The following PIR variants were observed in gnomAD, a reference collection of about 807,000 sequenced individuals.
PIR encodes the protein pirin (iron-binding nuclear protein).
Under a neutral mutation model 24.2 loss-of-function variants are expected in PIR, and 22 were observed. That is an observed-to-expected ratio of 0.91 (90% CI 0.65 to 1.30). The LOEUF (loss-of-function observed/expected upper bound fraction) is 1.30. PIR is among the 50% of genes most tolerant of loss of function. The pLI is 0.00. For synonymous variants in PIR, 80 were observed against 79.6 expected, an observed-to-expected ratio of 1.00 and a Z score of -0.03; for missense variants, 220 against 220.3, an observed-to-expected ratio of 1.00 and a Z score of 0.01.
chrX:15,487,379 T>C (rs943259513), intron 2 of PIR, among the ~76,000 whole-genome samples: 8 of 111,594 alleles, frequency 7.2e-5, no homozygotes, highest in Non-Finnish European at 1.1e-4. Flanking sequence ...AATTGAAATA[T>C]TTATAAGTGA....
intron 5 of PIR, among the ~76,000 whole-genome samples, chrX:15,445,820 CTTTTT>C (rs1192838504): frequency 6.2e-5 from 4 of 64,921 alleles, no homozygotes; most frequent in Non-Finnish European, 8.7e-5. Flanking sequence ...CAAGATATTT[CTTTTT>C]TTTTTTTTTT....
chrX:15,440,450 C>T (rs762499208), intron 5 of PIR, among the ~76,000 whole-genome samples: 1 of 110,452 alleles, frequency 9.1e-6, no homozygotes, highest in East Asian at 2.8e-4. Context: ...TGACCACTGT[C>T]ATATGTCTGC....
intron 6 of PIR, among the ~76,000 whole-genome samples, chrX:15,419,789 A>T (rs1296263780): frequency 9.3e-6 from 1 of 107,444 alleles, no homozygotes; most frequent in Non-Finnish European, 1.9e-5. Context: ...CCAGCTACTC[A>T]GGAGGCTGAG....
At chrX:15,471,013 A>C (rs908655526) in intron 3 of PIR, among the ~76,000 whole-genome samples, 4 of 108,139 alleles carry the variant, frequency 3.7e-5, no homozygotes, top group African/African-American at 1.0e-4. Context: ...TGGTGTGGGT[A>C]GGATGTATAG....
At chrX:15,446,806 C>T (rs1926119025) in intron 5 of PIR, among the ~76,000 whole-genome samples, 1 of 111,720 alleles carries the variant, frequency 9.0e-6, no homozygotes, top group Non-Finnish European at 1.9e-5. Flanking sequence ...TCCCCTCATA[C>T]CTCTATAGGG....
At chrX:15,478,237 G>T (rs902341022) in intron 3 of PIR, among the ~76,000 whole-genome samples, 4 of 111,434 alleles carry the variant, frequency 3.6e-5, no homozygotes, top group South Asian at 3.8e-4. Flanking sequence ...CAATTCTAAT[G>T]CAAGACAGAT....
intron 8 of PIR, among the ~76,000 whole-genome samples, chrX:15,395,052 A>C (rs749473893): frequency 8.9e-6 from 1 of 111,999 alleles, no homozygotes; most frequent in African/African-American, 3.2e-5. Context: ...ATTCTTGACC[A>C]CAGTTTAGTG....
chrX:15,415,744 G>A (rs892208143), intron 6 of PIR, among the ~76,000 whole-genome samples: 3 of 111,117 alleles, frequency 2.7e-5, no homozygotes, highest in Non-Finnish European at 5.7e-5. Context: ...AGATAAATAC[G>A]TACAATTTTA....
Position 15,473,518 on chromosome X carries a change from T to G in PIR, c.189+6211A>C, listed in dbSNP as rs369795784. Among the ~76,000 whole-genome samples the G allele has an allele frequency of 1.2e-3, 134 of 112,323 alleles. 2 individuals carry two copies. The highest frequency in any genetic ancestry group is 9.4e-4 in the Non-Finnish European group (50 of 53,238). On this transcript the variant is annotated intron_variant, in intron 3 of 9. Coordinates refer to ENST00000380420, the MANE Select transcript of PIR (RefSeq NM_001018109.3). The stretch of plus-strand genomic sequence containing the variant: ...AGATAATTTCTAGATATATAATTAT[T>G]CCTCTACTATTTTGAATACTTTTTT...
chrX:15,407,394 G>C, intron 7 of PIR, 112 bp downstream of exon 7: 1 of 587,370 alleles, frequency 1.7e-6, no homozygotes, highest in East Asian at 3.3e-5. Flanking sequence ...TAGTGTAGGA[G>C]AGAAGGTGGC....
chrX:15,469,223 C>CA (rs1921754535), intron 3 of PIR, among the ~76,000 whole-genome samples: 1 of 111,213 alleles, frequency 9.0e-6, no homozygotes, highest in Non-Finnish European at 1.9e-5. Context: ...TTCTAACAAC[C>CA]AAAAAAAGGA....
intron 5 of PIR, among the ~76,000 whole-genome samples, chrX:15,434,715 T>G (rs1925691528): frequency 1.9e-5 from 1 of 52,264 alleles, no homozygotes; most frequent in African/African-American, 8.2e-5. Flanking sequence ...GAGAGGTTTG[T>G]TTTTTTTTTT....
chrX:15,437,286 T>A (rs1925779237), intron 5 of PIR, among the ~76,000 whole-genome samples: 1 of 111,891 alleles, frequency 8.9e-6, no homozygotes, highest in Non-Finnish European at 1.9e-5. Context: ...ACATTCTGAT[T>A]CAAATGAAAG....
chrX:15,422,548 A>T (rs189926336), intron 6 of PIR, among the ~76,000 whole-genome samples: 1 of 111,220 alleles, frequency 9.0e-6, no homozygotes, highest in Non-Finnish European at 1.9e-5. Context: ...ATCTGAAAAA[A>T]ATATCAAGAA....
At chrX:15,422,981 A>G (rs1188577204) in intron 6 of PIR, among the ~76,000 whole-genome samples, 1 of 111,947 alleles carries the variant, frequency 8.9e-6, no homozygotes, top group African/African-American at 3.2e-5. Flanking sequence ...CACATGGATC[A>G]ATGGAACTCA....
chrX:15,384,832 T>C lies in PIR; in HGVS notation c.*172A>G. 3.2e-6 allele frequency: 1 copy of C among 315,442 alleles called. No homozygotes were observed. The highest frequency in any genetic ancestry group is 2.7e-5 in the African/African-American group (1 of 37,367). 26.0% of individuals were successfully genotyped at this position (315,442 alleles called of 1,213,427 possible). ...GAAACAATGATTAGGTTTATTTGCA[T>C]GTGCCAGGAAATATCCTACATTTAT... On this transcript the variant is annotated 3_prime_UTR_variant, in exon 10 of 10. Coordinates refer to ENST00000380420, the MANE Select transcript of PIR (RefSeq NM_001018109.3).
intron 2 of PIR, among the ~76,000 whole-genome samples, chrX:15,488,267 A>G (rs1327671368): frequency 7.4e-5 from 7 of 94,109 alleles, no homozygotes; most frequent in African/African-American, 2.5e-4. Flanking sequence ...AACAAGAGCG[A>G]AACTCCGTCT....
At chrX:15,419,428 G>A (rs1925042755) in intron 6 of PIR, among the ~76,000 whole-genome samples, 1 of 107,800 alleles carries the variant, frequency 9.3e-6, no homozygotes, top group Admixed American at 1.0e-4. Context: ...GAGAGAGAGA[G>A]ATACAGACAG....
chrX:15,426,570 T>C (rs1448231054), intron 5 of PIR, among the ~76,000 whole-genome samples: 1 of 112,101 alleles, frequency 8.9e-6, no homozygotes, highest in Non-Finnish European at 1.9e-5. Context: ...TAAGCAGAGT[T>C]TCTAATTTAA....
Sources: allele counts gnomAD v4.1 joint callset (sites outside exome capture counted in the v4.1 genomes callset), GRCh38; gene constraint gnomAD v4.1.1; transcripts MANE v1.5; gene names NCBI Gene and HGNC (gene_info 2026-07-23, HGNC 2026-07-21).